Variants in CFAP54 observed in about 807,000 individuals in gnomAD.
CFAP54 encodes cilia- and flagella-associated protein 54.
In CFAP54, 290 loss-of-function variants were observed where a neutral mutation model predicts 370.4. The observed-to-expected ratio is 0.78, with a 90% confidence interval of 0.71 to 0.86. The LOEUF is 0.86. Among genes scored for constraint, CFAP54 ranks in the 40% least tolerant of loss-of-function variants. CFAP54 has a pLI of 0.00. For missense variants in CFAP54, 3,399 were observed against 3,528.7 expected, an observed-to-expected ratio of 0.96 and a Z score of 0.93; for synonymous variants, 1,206 against 1,236.5, an observed-to-expected ratio of 0.98 and a Z score of 0.52.
chr12:96,533,920 G>T lies in CFAP54; in HGVS notation c.1486G>T (p.Glu496Ter), dbSNP rs1189078525. The T allele has an allele frequency of 6.5e-7, 1 of 1,533,900 alleles. No individual in the cohort carries two copies. Residue 496 changes from glutamate to a stop codon, truncating the protein, a stop_gained, in exon 10 of 68, where the codon GAG becomes TAG. Coordinates refer to ENST00000524981, the MANE Select transcript of CFAP54 (RefSeq NM_001306084.2). LOFTEE classifies it high-confidence loss of function. Reference protein sequence around the residue: ...VKFIKLAFTYEEWSLFESSAV... With the variant: ...VKFIKLAFTY ...ATTTATAAAATTAGCTTTTACCTAT[G>T]AGGAGTGGAGTTTATTTGAATCTTC... is the stretch of plus-strand genomic sequence containing the variant.
chr12:96,721,026 A>G (rs1592724792), intron 50 of CFAP54, among the ~76,000 whole-genome samples: 1 of 152,150 alleles, frequency 6.6e-6, no homozygotes, highest in Admixed American at 6.5e-5. Flanking sequence ...TCTCAAAAAA[A>G]AAAAAAATTA....
In CFAP54 at chr12:96,679,605, A is replaced by G; in HGVS notation, c.5569A>G (p.Ser1857Gly). 1.2e-6 allele frequency: 2 copies of G among 1,611,826 alleles called. No homozygotes were observed. Among genetic ancestry groups the G allele is most frequent in the Non-Finnish European group, 1.7e-6 (2 of 1,179,042 alleles). The change falls in exon 40 of 68, where the codon AGC becomes GGC. Residue 1857 changes from serine to glycine, a missense_variant. Physicochemically the swap from Ser to Gly is moderately conservative, Grantham distance 56. Transcript: ENST00000524981. ...LLKMLISSEY[S>G]RAKALVCVPV... ...CCGCTTTTCTTTCCTTTCAGAATAC[A>G]GCCGAGCCAAAGCGCTTGTCTGCGT...
intron 36 of CFAP54, among the ~76,000 whole-genome samples, chr12:96,653,904 CAT>C (rs1462602130): frequency 2.6e-5 from 4 of 151,712 alleles, no homozygotes; most frequent in Middle Eastern, 3.4e-3. Flanking sequence ...ACAAATTACT[CAT>C]ATTAGTAGTG....
intron 45 of CFAP54, 24 bp from the exon 46 acceptor site, chr12:96,699,947 C>G: frequency 6.6e-7 from 1 of 1,514,810 alleles, no homozygotes; most frequent in Non-Finnish European, 8.9e-7. Context: ...AATTAAGTAC[C>G]TCATTATTTC....
intron 50 of CFAP54, among the ~76,000 whole-genome samples, chr12:96,727,434 C>A (rs1179554259): frequency 1.4e-5 from 2 of 145,712 alleles, no homozygotes; most frequent in African/African-American, 5.2e-5. Flanking sequence ...TATGTAATGG[C>A]CTTCTTTGTC....
rs143758581 is a variant in CFAP54, at chr12:96,650,004, G to A, written c.4804G>A (p.Asp1602Asn). The A allele has an allele frequency of 6.2e-7, 1 of 1,613,668 alleles. No homozygotes were observed. The highest frequency in any genetic ancestry group is 1.3e-5 in the African/African-American group (1 of 74,900). ...SQSGSSAKEK[D>N]RGANLCVMDH... is the part of the protein sequence containing the mutation. ...ATCAGGTTCTAGTGCTAAAGAAAAG[G>A]ACCGAGGAGCAAATTTGTGTGTAAT... The change falls in exon 35 of 68, where the codon GAC becomes AAC. Residue 1602 changes from aspartate (D) to asparagine (N), a missense_variant. Physicochemically the swap from Asp to Asn is conservative, Grantham distance 23. This residue lies in a region of CFAP54 where 2,796 missense variants were observed against 2,869.7 expected (regional missense o/e 0.97). Coordinates refer to ENST00000524981, the MANE Select transcript of CFAP54 (RefSeq NM_001306084.2).
chr12:96,700,037 G>A lies in CFAP54; in HGVS notation c.6418G>A (p.Gly2140Arg). Residue 2140 changes from glycine to arginine, a missense_variant, in exon 46 of 68, where the codon GGA becomes AGA. Gly to Arg is a moderately radical substitution (Grantham distance 125). Around this residue, in one of 3 missense-constraint regions of CFAP54, gnomAD observed 2,796 missense variants for 2,869.7 expected, o/e 0.97. Transcript: ENST00000524981. ...AFYEISQIFY[G>R]KNMPCPIPAG... ...TTATGAGATATCCCAAATTTTCTAT[G>A]GAAAAAACATGCCTTGTCCAATACC... 6.2e-7 allele frequency: 1 copy of A among 1,608,528 alleles called. No individual in the cohort carries two copies. Among genetic ancestry groups the A allele is most frequent in the Non-Finnish European group, 8.5e-7 (1 of 1,177,088 alleles).
intron 66 of CFAP54, among the ~76,000 whole-genome samples, chr12:96,855,308 A>G (rs1291955905): frequency 1.3e-5 from 2 of 152,160 alleles, no homozygotes; most frequent in East Asian, 1.9e-4. Flanking sequence ...CCCAAATCTC[A>G]TGTCCTCACA....
chr12:96,847,988 T>C (rs1959406679), intron 66 of CFAP54, among the ~76,000 whole-genome samples: 1 of 152,260 alleles, frequency 6.6e-6, no homozygotes, highest in Non-Finnish European at 1.5e-5. Flanking sequence ...GAACCAATTC[T>C]CTGCACAAAT....
chr12:96,541,786 T>C (rs944984791), intron 14 of CFAP54, among the ~76,000 whole-genome samples: 3 of 152,180 alleles, frequency 2.0e-5, no homozygotes, highest in Admixed American at 6.5e-5. Flanking sequence ...TTTTCTTTCT[T>C]CTAATTCCTT....
At position 96,753,835 on chromosome 12, in the gene CFAP54, A is replaced by G; in HGVS notation, c.7777A>G (p.Lys2593Glu). The G allele has an allele frequency of 6.2e-7, 1 of 1,614,052 alleles. No individual in the cohort carries two copies. Among genetic ancestry groups the G allele is most frequent in the Non-Finnish European group, 8.5e-7 (1 of 1,179,956 alleles). Reference protein sequence around the residue: ...PALHLFDVALKLCRTTAVEEH... With the variant: ...PALHLFDVALELCRTTAVEEH... ...TCTTCATCTGTTTGATGTGGCACTG[A>G]AGCTCTGTAGAACAACAGCAGTGGA... Residue 2593 changes from lysine to glutamate, a missense_variant, in exon 56 of 68, where the codon AAG becomes GAG. Transcript: ENST00000524981.
chr12:96,770,560 C>A (rs532313348), intron 60 of CFAP54, among the ~76,000 whole-genome samples: 12 of 152,338 alleles, frequency 7.9e-5, no homozygotes, highest in Non-Finnish European at 1.8e-4. Flanking sequence ...AAGATTTACC[C>A]TTCAGTGAAC....
At chr12:96,691,349 A>G in intron 44 of CFAP54, 39 bp downstream of exon 44, 1 of 1,458,744 alleles carries the variant, frequency 6.9e-7, no homozygotes. Context: ...TATCACTGGG[A>G]TATTTTGCTC....
intron 17 of CFAP54, among the ~76,000 whole-genome samples, chr12:96,560,815 A>G (rs1191398087): frequency 1.3e-5 from 2 of 152,196 alleles, no homozygotes; most frequent in East Asian, 3.8e-4. Context: ...CTGTTCCCCA[A>G]CAGACTTTCA....
chr12:96,621,432 T>A (rs1453603871), intron 26 of CFAP54, among the ~76,000 whole-genome samples, 158 bp from the exon 27 acceptor site: 1 of 145,908 alleles, frequency 6.9e-6, no homozygotes, highest in Non-Finnish European at 1.5e-5. Flanking sequence ...AATGTGTTAA[T>A]ACGATCTGGA....
At chr12:96,849,437 T>C (rs1430888029) in intron 66 of CFAP54, among the ~76,000 whole-genome samples, 1 of 152,182 alleles carries the variant, frequency 6.6e-6, no homozygotes, top group East Asian at 1.9e-4. Context: ...ACGCTTAGAA[T>C]TGATGAAAAC....
intron 3 of CFAP54, among the ~76,000 whole-genome samples, chr12:96,505,467 T>C (rs1363982933): frequency 6.6e-6 from 1 of 151,986 alleles, no homozygotes; most frequent in Non-Finnish European, 1.5e-5. Context: ...CTCTCTCTCT[T>C]TTTCTGAGCC....
intron 30 of CFAP54, among the ~76,000 whole-genome samples, chr12:96,628,579 A>G (rs944974461): frequency 1.1e-4 from 16 of 152,166 alleles, no homozygotes; most frequent in Admixed American, 8.5e-4. Context: ...GTTGTGGAGG[A>G]TGGCTCCCCA....
At chr12:96,849,535 T>C (rs1164175362) in intron 66 of CFAP54, among the ~76,000 whole-genome samples, 2 of 152,228 alleles carry the variant, frequency 1.3e-5, no homozygotes, top group Non-Finnish European at 2.9e-5. Flanking sequence ...CGTAGATTCT[T>C]TGAAGACTAC....
Sources: allele counts gnomAD v4.1 joint callset (sites outside exome capture counted in the v4.1 genomes callset), GRCh38; gene constraint gnomAD v4.1.1; regional missense constraint gnomAD v4.1.1; transcripts MANE v1.5; gene names NCBI Gene and HGNC (gene_info 2026-07-23, HGNC 2026-07-21).